XIRP2: variants seen among roughly 807,000 people sequenced by gnomAD.
XIRP2 encodes xin actin binding repeat containing 2.
A neutral mutation model predicts 277.0 loss-of-function variants in XIRP2; 236 were observed. The ratio of observed to expected loss-of-function variants is 0.85; its 90% CI spans 0.77 to 0.95. The LOEUF is 0.95. Ranked by LOEUF, XIRP2 falls within the 40% of genes least tolerant of loss-of-function variation. The pLI is 0.00. For synonymous variants in XIRP2, 1,490 were observed against 1,416.5 expected (o/e 1.05, Z -1.17); for missense variants, 4,640 against 4,157.5 (o/e 1.12, Z -3.19).
At chr2:167,069,049 A>G (rs1689374145) in intron 2 of XIRP2, among the ~76,000 whole-genome samples, 1 of 152,066 alleles carries the variant, frequency 6.6e-6, no homozygotes, top group African/African-American at 2.4e-5. Context: ...ATGAATACCA[A>G]TGTTCGTGGG....
At chr2:167,193,343 T>C (rs1394617731) in intron 3 of XIRP2, among the ~76,000 whole-genome samples, 1 of 152,204 alleles carries the variant, frequency 6.6e-6, no homozygotes, top group African/African-American at 2.4e-5. Flanking sequence ...TGTTATGTTA[T>C]TGCCATTTCT....
rs1558929701 is a variant in XIRP2 at position 166,956,918 on chromosome 2, AGTTAT to A, written c.408+53033_408+53037del. 3.3e-5 allele frequency among the ~76,000 whole-genome samples: 5 copies of A among 151,982 alleles called. No homozygotes were observed. The South Asian group carries it at 6.2e-4, about 19-fold the overall frequency. On this transcript the variant is annotated intron_variant, in intron 2 of 10. Coordinates refer to ENST00000409195, the MANE Select transcript of XIRP2 (RefSeq NM_152381.6). ...AATGTTTAATTTTGAATCAGTTTGA[AGTTAT>A]GTTAAGATAAGAAAGGTTAGAATGG...
intron 2 of XIRP2, among the ~76,000 whole-genome samples, chr2:167,037,520 T>C (rs6729854): frequency 9.5e-6 from 1 of 105,514 alleles, no homozygotes; most frequent in African/African-American, 4.4e-5. Flanking sequence ...ATGTGGGGGG[T>C]GTGTGTGTGT....
chr2:167,026,314 C>G (rs908336111), intron 2 of XIRP2, among the ~76,000 whole-genome samples: 4 of 152,022 alleles, frequency 2.6e-5, no homozygotes, highest in African/African-American at 9.7e-5. Context: ...CTTGGTAGAT[C>G]TTCCTCCATC....
chr2:167,201,194 GAAAGAAAGAAAGAAAGAA>G (rs1559018077), intron 3 of XIRP2, among the ~76,000 whole-genome samples: 76 of 15,612 alleles, frequency 4.9e-3, no homozygotes, highest in African/African-American at 9.3e-3. Flanking sequence ...GAGAGAGAAA[GAAAGAAAGAAAGAAAGAA>G]AGAAAGAAAG....
At chr2:166,996,950 A>T (rs1370324260) in intron 2 of XIRP2, among the ~76,000 whole-genome samples, 1 of 152,244 alleles carries the variant, frequency 6.6e-6, no homozygotes, top group Non-Finnish European at 1.5e-5. Flanking sequence ...TGTCTTTGCT[A>T]GATAACATTT....
chr2:166,964,104 G>T (rs990193822), intron 2 of XIRP2, among the ~76,000 whole-genome samples: 5 of 151,588 alleles, frequency 3.3e-5, no homozygotes, highest in African/African-American at 1.2e-4. Context: ...AGTAGGTTAG[G>T]GTAGGAATAG....
At chr2:166,891,804 T>C (rs1684112631) in intron 1 of XIRP2, among the ~76,000 whole-genome samples, 1 of 152,160 alleles carries the variant, frequency 6.6e-6, no homozygotes, top group Non-Finnish European at 1.5e-5. Context: ...ATATTAGCAT[T>C]ATAAACATAA....
chr2:167,073,582 T>C (rs1051418085), intron 2 of XIRP2, among the ~76,000 whole-genome samples: 10 of 152,122 alleles, frequency 6.6e-5, no homozygotes, highest in African/African-American at 2.4e-4. Flanking sequence ...TAGTTTCTCA[T>C]TAAGATTCAG....
At chr2:167,195,839 G>T (rs1324708716) in intron 3 of XIRP2, among the ~76,000 whole-genome samples, 1 of 152,180 alleles carries the variant, frequency 6.6e-6, no homozygotes, top group African/African-American at 2.4e-5. Context: ...TGTGTTGAAA[G>T]CGTCTGACTC....
chr2:167,008,070 G>T (rs1687554736), intron 2 of XIRP2, among the ~76,000 whole-genome samples: 1 of 151,358 alleles, frequency 6.6e-6, no homozygotes, highest in South Asian at 2.1e-4. Flanking sequence ...AAAGCTGCAG[G>T]CTCCATGAAG....
At chr2:167,167,622 C>T (rs926865660) in intron 3 of XIRP2, among the ~76,000 whole-genome samples, 3 of 152,092 alleles carry the variant, frequency 2.0e-5, no homozygotes, top group Non-Finnish European at 4.4e-5. Context: ...CCTTATAATA[C>T]ATAATAATCC....
In XIRP2 at chr2:167,249,730, G is replaced by C. The variant is rs1345111734; in HGVS notation, c.8338G>C (p.Val2780Leu). The C allele has an allele frequency of 6.2e-7, 1 of 1,613,390 alleles. No homozygotes were observed. Among genetic ancestry groups the C allele is most frequent in the East Asian group, 2.2e-5 (1 of 44,818 alleles). Residue 2780 changes from valine to leucine, a missense_variant, in exon 9 of 11, where the codon GTG becomes CTG. By Grantham distance (32) the Val-to-Leu change is conservative. Coordinates refer to ENST00000409195, the MANE Select transcript of XIRP2 (RefSeq NM_152381.6). The stretch of plus-strand genomic sequence containing the variant: ...TCAGTTACCTAAGAAGGAGAAAAGA[G>C]TGACAGTACAATTGCCTACAGAATC... ...HYQLPKKEKR[V>L]TVQLPTESIQ...
chr2:166,932,874 GAACC>G (rs1347705930), intron 2 of XIRP2, among the ~76,000 whole-genome samples: 1 of 151,952 alleles, frequency 6.6e-6, no homozygotes, highest in Non-Finnish European at 1.5e-5. Context: ...ATCTATTTTT[GAACC>G]AACTATTCTA....
chr2:167,078,615 A>G (rs1295495484), intron 2 of XIRP2, among the ~76,000 whole-genome samples: 5 of 152,110 alleles, frequency 3.3e-5, no homozygotes, highest in Non-Finnish European at 7.4e-5. Context: ...GGTGGGCAGA[A>G]CACGAGGTCA....
At chr2:167,124,063 A>G (rs144143879) in intron 2 of XIRP2, 1 of 152,266 alleles carries the variant, frequency 6.6e-6, no homozygotes, top group African/African-American at 2.4e-5. Context: ...AATTTGATGC[A>G]TTCTCTTCCC....
chr2:167,122,632 A>G (rs549237842), intron 2 of XIRP2, among the ~76,000 whole-genome samples: 9 of 152,286 alleles, frequency 5.9e-5, no homozygotes, highest in African/African-American at 1.9e-4. Flanking sequence ...GAAAGACCCA[A>G]GGTCCCTTAA....
At position 167,161,608 on chromosome 2, in the gene XIRP2, C is replaced by T. The variant is rs1692366608; in HGVS notation, c.562+25546C>T. ...GTAGCTGGGACATAGGGCACCAAGCCCCTAGGCCACACACAGCAAGGGAAC... is the reference window on the plus strand; with the variant it reads ...GTAGCTGGGACATAGGGCACCAAGCTCCTAGGCCACACACAGCAAGGGAAC... On this transcript the variant is annotated intron_variant, in intron 3 of 10. Transcript: ENST00000409195. 1.3e-5 allele frequency among the ~76,000 whole-genome samples: 2 copies of T among 152,178 alleles called. 1 individual carries two copies. The highest frequency in any genetic ancestry group is 4.1e-4 in the South Asian group (2 of 4,826).
intron 2 of XIRP2, among the ~76,000 whole-genome samples, chr2:167,037,682 A>G (rs945852955): frequency 6.6e-6 from 1 of 152,204 alleles, no homozygotes; most frequent in African/African-American, 2.4e-5. Context: ...TCAAACAGAT[A>G]AAATCAAAGC....
Sources: gnomAD v4.1 joint callset for allele counts (sites outside exome capture counted in the v4.1 genomes callset) on GRCh38, gnomAD v4.1.1 for gene constraint, MANE v1.5 for transcripts, NCBI Gene and HGNC (gene_info 2026-07-23, HGNC 2026-07-21) for gene names.